PREX2: variants seen among roughly 807,000 people sequenced by gnomAD.
PREX2 encodes phosphatidylinositol 3,4,5-trisphosphate-dependent Rac exchanger 2 protein.
In PREX2, 107 loss-of-function variants were observed where a neutral mutation model predicts 203.2. The observed-to-expected ratio is 0.53, with a 90% CI of 0.45 to 0.62. The LOEUF is 0.62. Among genes scored for constraint, PREX2 ranks in the 20% least tolerant of loss-of-function variants. PREX2 has a pLI of 0.00. For missense variants in PREX2, 1,777 were observed against 1,955.9 expected (o/e 0.91, Z 1.72); for synonymous variants, 672 against 663.6 (o/e 1.01, Z -0.19).
At chr8:67,988,075 G>T (rs1806488382) in intron 1 of PREX2, among the ~76,000 whole-genome samples, 1 of 152,182 alleles carries the variant, frequency 6.6e-6, no homozygotes. Flanking sequence ...TTGTACCATA[G>T]AAAATATCTG....
In PREX2 at chr8:67,976,615, G is replaced by C. The variant is rs1489837482; in HGVS notation, c.141+24080G>C. ...GGAGAGAGACAGAGAGAGAGAGACA[G>C]AGACAGAGAGAGAGAGACGGGAGAG... On this transcript the variant is annotated intron_variant, in intron 1 of 39. Coordinates refer to ENST00000288368, the MANE Select transcript of PREX2 (RefSeq NM_024870.4). Among the ~76,000 whole-genome samples, 10 of 123,360 alleles carry C rather than the reference G, an allele frequency of 8.1e-5. 1 individual carries two copies. The highest frequency in any genetic ancestry group is 8.9e-3 in the Middle Eastern group (2 of 224). The allele number at this position is 123,360 out of a possible 152,430, so 80.9% of individuals were successfully genotyped here.
In PREX2 at chr8:68,231,424, G is replaced by T; in HGVS notation, c.*46G>T. On this transcript the variant is annotated 3_prime_UTR_variant, in exon 40 of 40. Transcript: ENST00000288368. The stretch of plus-strand genomic sequence containing the variant: ...GGCAGGCAGAAGCTCCTGAATGCTG[G>T]ACTAGACAAACTACATGCTGGCTAA... 1 of 1,526,878 alleles carries T rather than the reference G, an allele frequency of 6.5e-7. No individual in the cohort carries two copies. 94.6% of individuals were successfully genotyped at this position (1,526,878 alleles called of 1,614,324 possible).
chr8:68,167,466 T>G (rs1811787085), intron 35 of PREX2, among the ~76,000 whole-genome samples: 1 of 151,996 alleles, frequency 6.6e-6, no homozygotes, highest in Non-Finnish European at 1.5e-5. Flanking sequence ...CCCCAGTAGC[T>G]GGGACTATAG....
intron 39 of PREX2, among the ~76,000 whole-genome samples, chr8:68,228,129 A>G (rs1176228735): frequency 6.6e-6 from 1 of 152,198 alleles, no homozygotes; most frequent in Non-Finnish European, 1.5e-5. Flanking sequence ...AGTTTCATAC[A>G]TTGGCTCTTC....
intron 35 of PREX2, among the ~76,000 whole-genome samples, chr8:68,176,346 G>A (rs961640110): frequency 1.3e-5 from 2 of 152,158 alleles, no homozygotes; most frequent in Non-Finnish European, 2.9e-5. Context: ...TTAGGTTATG[G>A]GGAGAAAGTT....
intron 38 of PREX2, among the ~76,000 whole-genome samples, 175 bp from the exon 39 acceptor site, chr8:68,224,384 T>A (rs999451710): frequency 6.6e-6 from 1 of 152,212 alleles, no homozygotes; most frequent in Non-Finnish European, 1.5e-5. Context: ...AGCACATTTT[T>A]ATTAAAAGCA....
In PREX2 at chr8:68,109,640, A is replaced by G. The variant is rs758868311; in HGVS notation, c.3146+17A>G. On this transcript the variant is annotated intron_variant, in intron 25 of 39. Transcript: ENST00000288368. ...AATAGATGAGTAAGTGTTTTGTACTACACTTTTAAGTTTGCCAAATAAAAT... is the reference window on the plus strand; with the variant it reads ...AATAGATGAGTAAGTGTTTTGTACTGCACTTTTAAGTTTGCCAAATAAAAT... The G allele has an allele frequency of 6.3e-7, 1 of 1,599,886 alleles. No homozygotes were observed. Among genetic ancestry groups the G allele is most frequent in the East Asian group, 2.2e-5 (1 of 44,784 alleles).
chr8:68,197,893 C>T (rs146421673), intron 37 of PREX2, among the ~76,000 whole-genome samples: 1 of 151,344 alleles, frequency 6.6e-6, no homozygotes, highest in Non-Finnish European at 1.5e-5. Flanking sequence ...CAGTTTTATA[C>T]CACAGTTAAC....
intron 23 of PREX2, among the ~76,000 whole-genome samples, chr8:68,104,273 G>T (rs1810347690): frequency 6.6e-6 from 1 of 152,150 alleles, no homozygotes; most frequent in African/African-American, 2.4e-5. Context: ...GTCCTGAGTG[G>T]CTGTACACTT....
intron 30 of PREX2, among the ~76,000 whole-genome samples, chr8:68,122,448 A>C (rs1177033239): frequency 1.3e-5 from 2 of 152,100 alleles, no homozygotes; most frequent in Non-Finnish European, 2.9e-5. Flanking sequence ...AATAGCATAA[A>C]TGTTAAATGC....
intron 31 of PREX2, among the ~76,000 whole-genome samples, chr8:68,133,021 A>G (rs886879687): frequency 3.9e-5 from 6 of 152,192 alleles, no homozygotes; most frequent in African/African-American, 1.4e-4. Context: ...GATTGTGGGT[A>G]CTTTATAAAG....
chr8:67,967,825 G>C (rs1337478652), intron 1 of PREX2, among the ~76,000 whole-genome samples: 1 of 152,112 alleles, frequency 6.6e-6, no homozygotes, highest in Non-Finnish European at 1.5e-5. Flanking sequence ...GCAAACTGTT[G>C]CAAGGACAGA....
At chr8:68,202,051 G>A (rs142687234) in intron 37 of PREX2, among the ~76,000 whole-genome samples, 13 of 151,672 alleles carry the variant, frequency 8.6e-5, no homozygotes, top group African/African-American at 7.3e-5. Context: ...GATTACAGGC[G>A]CCCACCACCC....
At chr8:68,229,745 C>A (rs372502731) in intron 39 of PREX2, among the ~76,000 whole-genome samples, 22 of 152,310 alleles carry the variant, frequency 1.4e-4, no homozygotes, top group African/African-American at 5.3e-4. Context: ...ACATTCGCCA[C>A]CCATCTTCCC....
At chr8:68,124,670 T>A (rs1378808564) in intron 30 of PREX2, among the ~76,000 whole-genome samples, 2 of 152,170 alleles carry the variant, frequency 1.3e-5, no homozygotes, top group East Asian at 3.8e-4. Context: ...TAATGCAGGA[T>A]AAAAAGTTTA....
intron 37 of PREX2, among the ~76,000 whole-genome samples, chr8:68,197,862 T>C (rs1812429634): frequency 6.6e-6 from 1 of 151,018 alleles, no homozygotes. Flanking sequence ...TTCTCTTTTT[T>C]TTGCTGCATA....
intron 25 of PREX2, among the ~76,000 whole-genome samples, chr8:68,110,008 A>G (rs1185469521): frequency 6.6e-6 from 1 of 152,262 alleles, no homozygotes; most frequent in Non-Finnish European, 1.5e-5. Context: ...AGATATTTAT[A>G]AAAGACATAA....
Position 68,044,488 on chromosome 8 carries a change from C to T in PREX2, c.841C>T (p.Arg281Trp), listed in dbSNP as rs750933833. The change falls in exon 8 of 40, where the codon CGG (arginine) becomes TGG (tryptophan). Residue 281 changes from arginine to tryptophan, a missense_variant and splice_region_variant. Transcript: ENST00000288368. The stretch of plus-strand genomic sequence containing the variant: ...TTTGTGATTTAATTCCATCTTAAGA[C>T]GGTTGAAGAACAGCAAGGCATCTAC... ...LLVYCKRKHR[R>W]LKNSKASTDG... The T allele has an allele frequency of 5.0e-6, 8 of 1,602,728 alleles. No homozygotes were observed. The highest frequency in any genetic ancestry group is 6.8e-6 in the Non-Finnish European group (8 of 1,170,212).
At chr8:68,105,519 C>G (rs901207067) in intron 23 of PREX2, 4 of 1,156,910 alleles carry the variant, frequency 3.5e-6, no homozygotes, top group Non-Finnish European at 4.3e-6. Context: ...CCAGCTCTCC[C>G]CGATTACTCC....
Sources: gnomAD v4.1 joint callset for allele counts (sites outside exome capture counted in the v4.1 genomes callset) on GRCh38, gnomAD v4.1.1 for gene constraint, MANE v1.5 for transcripts, NCBI Gene and HGNC (gene_info 2026-07-23, HGNC 2026-07-21) for gene names.